GNAQ: variants seen among roughly 807,000 people sequenced by gnomAD.
The protein encoded by GNAQ is G protein subunit alpha q, also known as guanine nucleotide-binding protein G(q) subunit alpha.
In GNAQ, 8 loss-of-function variants were observed where a neutral mutation model predicts 43.9. That is an observed-to-expected ratio of 0.18 (90% confidence interval 0.11 to 0.33). The LOEUF (loss-of-function observed/expected upper bound fraction) is 0.33, where lower values mean the gene tolerates loss of function less well. Ranked by LOEUF, GNAQ falls within the 10% of genes least tolerant of loss-of-function variation. The pLI, the probability that GNAQ is intolerant of heterozygous loss-of-function variation, is 1.00. For missense variants in GNAQ, 158 were observed against 450.8 expected (o/e 0.35, Z 5.88); for synonymous variants, 155 against 170.7 (o/e 0.91, Z 0.71).
chr9:77,907,434 C>G (rs1828727934), intron 2 of GNAQ, among the ~76,000 whole-genome samples: 1 of 152,164 alleles, frequency 6.6e-6, no homozygotes, highest in South Asian at 2.1e-4. Context: ...TATAGAAACT[C>G]TGCCTTGACT....
At chr9:77,824,675 T>G (rs1827167100) in intron 2 of GNAQ, among the ~76,000 whole-genome samples, 1 of 152,188 alleles carries the variant, frequency 6.6e-6, no homozygotes, top group Admixed American at 6.5e-5. Flanking sequence ...TAAAATTTTT[T>G]AAAGAAGCAA....
chr9:77,817,777 C>T (rs1045154545), intron 2 of GNAQ, among the ~76,000 whole-genome samples: 6 of 152,130 alleles, frequency 3.9e-5, no homozygotes, highest in Admixed American at 6.6e-5. Context: ...CAGTTACATA[C>T]GCACATGAGC....
At chr9:77,749,232 C>T (rs995027232) in intron 5 of GNAQ, among the ~76,000 whole-genome samples, 1 of 152,180 alleles carries the variant, frequency 6.6e-6, no homozygotes, top group Non-Finnish European at 1.5e-5. Flanking sequence ...GTCAAAACAT[C>T]CCACTCAAAC....
At chr9:77,888,450 A>G (rs1185308552) in intron 2 of GNAQ, among the ~76,000 whole-genome samples, 4 of 152,234 alleles carry the variant, frequency 2.6e-5, no homozygotes, top group Admixed American at 2.6e-4. Context: ...ATAGCTCACT[A>G]AACAACTTTC....
intron 2 of GNAQ, among the ~76,000 whole-genome samples, chr9:77,863,340 AGGCTCTTT>A (rs1827891435): frequency 6.6e-6 from 1 of 152,224 alleles, no homozygotes; most frequent in Non-Finnish European, 1.5e-5. Flanking sequence ...AAACGTTGCC[AGGCTCTTT>A]GTTAAAACAT....
At chr9:77,847,291 G>A (rs1044113928) in intron 2 of GNAQ, among the ~76,000 whole-genome samples, 5 of 152,190 alleles carry the variant, frequency 3.3e-5, no homozygotes, top group African/African-American at 4.8e-5. Flanking sequence ...TCAGAAAGCC[G>A]GAAACGCTAA....
intron 5 of GNAQ, among the ~76,000 whole-genome samples, chr9:77,782,622 T>C (rs1358258947): frequency 6.6e-6 from 1 of 152,220 alleles, no homozygotes; most frequent in Non-Finnish European, 1.5e-5. Context: ...ACTCTTACCA[T>C]ATAATCCAGC....
At chr9:77,897,521 T>C (rs894276220) in intron 2 of GNAQ, among the ~76,000 whole-genome samples, 1 of 152,192 alleles carries the variant, frequency 6.6e-6, no homozygotes, top group African/African-American at 2.4e-5. Flanking sequence ...TCTGCTTTCA[T>C]AGGATGCAGC....
chr9:77,939,567 T>G (rs1829285085), intron 1 of GNAQ, among the ~76,000 whole-genome samples: 1 of 151,984 alleles, frequency 6.6e-6, no homozygotes, highest in African/African-American at 2.4e-5. Flanking sequence ...CCCTTTTCTC[T>G]CCCAATTCAT....
intron 2 of GNAQ, among the ~76,000 whole-genome samples, chr9:77,909,131 G>C (rs1307729697): frequency 1.3e-5 from 2 of 152,068 alleles, no homozygotes; most frequent in African/African-American, 4.8e-5. Flanking sequence ...CTCCATGGCT[G>C]GCAAAAACTG....
intron 1 of GNAQ, among the ~76,000 whole-genome samples, chr9:77,981,465 C>G (rs745441199): frequency 2.0e-5 from 3 of 152,288 alleles, no homozygotes; most frequent in South Asian, 4.1e-4. Context: ...TCCAGTCATG[C>G]AGAAGGTGTG....
Position 78,031,212 on chromosome 9 carries a change from C to G in GNAQ, c.24G>C (p.Ala8=). ...CCTTGGCCTCCTCGCTCAGGCAGCA[C>G]GCCATGATGGACTCCAGAGTCATTC... MTLESIM[A]CCLSEEAKEA... Residue 8 remains alanine (A), a synonymous_variant, in exon 1 of 7, where the codon GCG becomes GCC. Transcript: ENST00000286548. The G allele has an allele frequency of 6.5e-7, 1 of 1,547,568 alleles. No homozygotes were observed. The highest frequency in any genetic ancestry group is 8.7e-7 in the Non-Finnish European group (1 of 1,146,326).
intron 5 of GNAQ, among the ~76,000 whole-genome samples, chr9:77,753,404 G>A (rs1285234593): frequency 2.6e-5 from 4 of 152,190 alleles, no homozygotes; most frequent in Non-Finnish European, 5.9e-5. Flanking sequence ...CATGTTTTCT[G>A]AGGTTTAAGA....
At chr9:78,022,106 T>C (rs1465812089) in intron 1 of GNAQ, among the ~76,000 whole-genome samples, 1 of 152,156 alleles carries the variant, frequency 6.6e-6, no homozygotes, top group Non-Finnish European at 1.5e-5. Flanking sequence ...TGCTCCCCAC[T>C]GCAGGGCACT....
chr9:77,936,279 A>C (rs563551186), intron 1 of GNAQ, among the ~76,000 whole-genome samples: 124 of 152,318 alleles, frequency 8.1e-4, no homozygotes, highest in African/African-American at 2.9e-3. Flanking sequence ...CCCAAGATAT[A>C]ATGTATGGCT....
chr9:77,915,703 G>C (rs1828890584), intron 2 of GNAQ, among the ~76,000 whole-genome samples: 1 of 152,118 alleles, frequency 6.6e-6, no homozygotes, highest in African/African-American at 2.4e-5. Context: ...AATCCTTAGA[G>C]TCAAATTCAG....
chr9:77,908,538 T>C (rs532721719), intron 2 of GNAQ, among the ~76,000 whole-genome samples: 2 of 152,368 alleles, frequency 1.3e-5, no homozygotes, highest in Admixed American at 6.5e-5. Context: ...ACTGACTATG[T>C]TGATGTTATT....
rs1013154504 is a variant in GNAQ, at chr9:77,716,230, T to C, written c.*5093A>G. The C allele has an allele frequency of 1.8e-5, 4 of 219,582 alleles. No individual in the cohort carries two copies. Among genetic ancestry groups the C allele is most frequent in the Non-Finnish European group, 3.7e-5 (4 of 109,506 alleles). 13.6% of individuals were successfully genotyped at this position (219,582 alleles called of 1,614,324 possible). The stretch of plus-strand genomic sequence containing the variant: ...ATTCTGAGAGGGGCTCGGGCAACTT[T>C]AATGGAAGCAAAACTCAACAATGAA... On this transcript the variant is annotated 3_prime_UTR_variant, in exon 7 of 7. Transcript: ENST00000286548.
At chr9:77,900,659 T>C (rs932076332) in intron 2 of GNAQ, among the ~76,000 whole-genome samples, 7 of 152,142 alleles carry the variant, frequency 4.6e-5, no homozygotes, top group African/African-American at 1.7e-4. Flanking sequence ...TCCCAAAGTA[T>C]TGGGATTACA....
Sources: gnomAD v4.1 joint callset for allele counts (sites outside exome capture counted in the v4.1 genomes callset) on GRCh38, gnomAD v4.1.1 for gene constraint, MANE v1.5 for transcripts, NCBI Gene and HGNC (gene_info 2026-07-23, HGNC 2026-07-21) for gene names.